The following XPC variants were observed in gnomAD, a reference collection of about 807,000 sequenced individuals.
XPC encodes the protein XPC complex subunit, DNA damage recognition and repair factor.
Under a neutral mutation model 95.8 loss-of-function variants are expected in XPC, and 76 were observed. The observed-to-expected ratio is 0.79, with a 90% CI of 0.66 to 0.96. The LOEUF (loss-of-function observed/expected upper bound fraction) is 0.96, where lower values mean the gene tolerates loss of function less well. Among genes scored for constraint, XPC ranks in the 40% least tolerant of loss-of-function variants. The probability of loss-of-function intolerance (pLI) is 0.00; values close to 1 mark genes in which losing one functional copy is unlikely to be tolerated. For missense variants in XPC, 1,146 were observed against 1,179.8 expected (o/e 0.97, Z 0.42); for synonymous variants, 442 against 442.1 (o/e 1.00, Z 0.00).
intron 1 of XPC, 177 bp downstream of exon 1, chr3:14,178,289 G>A (rs1365651514): frequency 1.0e-5 from 7 of 701,344 alleles, no homozygotes; most frequent in Non-Finnish European, 2.2e-6. Context: ...GGGTGCGCAG[G>A]ACAAAGACGC....
At chr3:14,168,514 C>T (rs1696481307) in intron 3 of XPC, 134 bp from the exon 4 acceptor site, 1 of 1,064,712 alleles carries the variant, frequency 9.4e-7, no homozygotes, top group South Asian at 1.4e-5. Context: ...ACAGAGACCC[C>T]TAGACATGCC....
In XPC at chr3:14,145,988, C is replaced by G. The variant is rs751002148; in HGVS notation, c.2776G>C (p.Glu926Gln). ...AGGTGGGAAGCTGCTGCTTTCTTTT[C>G]CCTTTTGGTCTTCTTGGGCCCACCC... Reference protein sequence around the residue: ...LKGGPKKTKREKKAAASHLFP... With the variant: ...LKGGPKKTKRQKKAAASHLFP... Residue 926 changes from glutamate (E) to glutamine (Q), a missense_variant, in exon 16 of 16, where the codon GAA becomes CAA. Coordinates refer to ENST00000285021, the MANE Select transcript of XPC (RefSeq NM_004628.5). The G allele has an allele frequency of 6.8e-6, 11 of 1,608,832 alleles. No individual in the cohort carries two copies. The highest frequency in any genetic ancestry group is 3.3e-5 in the Admixed American group (2 of 59,794).
intron 1 of XPC, among the ~76,000 whole-genome samples, chr3:14,176,733 T>C (rs954363604): frequency 6.6e-6 from 1 of 152,294 alleles, no homozygotes; most frequent in African/African-American, 2.4e-5. Flanking sequence ...CTTTGCCGGT[T>C]ACCTAGTCTA....
chr3:14,145,805 C>T lies in XPC; in HGVS notation c.*136G>A. The T allele has an allele frequency of 8.9e-7, 1 of 1,119,058 alleles. No individual in the cohort carries two copies. The highest frequency in any genetic ancestry group is 1.3e-5 in the South Asian group (1 of 75,792). 69.3% of individuals were successfully genotyped at this position (1,119,058 alleles called of 1,614,324 possible). A position where few individuals can be genotyped will look rare whatever the true frequency, so the allele number is the denominator to read the frequency against. Reference sequence around the variant, plus strand: ...TTGGCCTCGTCTCCCCTGACCCCGCCTCCGTGCATGCTGCCTCAGTTTGCC... The same window carrying T: ...TTGGCCTCGTCTCCCCTGACCCCGCTTCCGTGCATGCTGCCTCAGTTTGCC... On this transcript the variant is annotated 3_prime_UTR_variant, in exon 16 of 16. Coordinates refer to ENST00000285021, the MANE Select transcript of XPC (RefSeq NM_004628.5).
At chr3:14,163,613 G>A (rs1356808431) in intron 7 of XPC, among the ~76,000 whole-genome samples, 1 of 152,096 alleles carries the variant, frequency 6.6e-6, no homozygotes, top group East Asian at 1.9e-4. Context: ...TAACAATGAG[G>A]AGTTTAATGC....
chr3:14,171,592 C>T (rs1300832457), intron 2 of XPC, among the ~76,000 whole-genome samples: 1 of 152,218 alleles, frequency 6.6e-6, no homozygotes, highest in Non-Finnish European at 1.5e-5. Context: ...CGCCTGTAAG[C>T]CCAGCACTTT....
intron 14 of XPC, chr3:14,147,675 C>T: frequency 1.7e-6 from 1 of 596,172 alleles, no homozygotes; most frequent in Non-Finnish European, 2.9e-6. Context: ...GTGTGGGCAG[C>T]AGGGGCAGTA....
chr3:14,146,010 A>G lies in XPC; in HGVS notation c.2754T>C (p.Gly918=), dbSNP rs1312829705. 1.2e-6 allele frequency: 2 copies of G among 1,608,828 alleles called. No individual in the cohort carries two copies. Among genetic ancestry groups the G allele is most frequent in the Non-Finnish European group, 1.7e-6 (2 of 1,177,512 alleles). Residue 918 remains glycine, a synonymous_variant, in exon 16 of 16, where the codon GGT becomes GGC. Coordinates refer to ENST00000285021, the MANE Select transcript of XPC (RefSeq NM_004628.5). ...REDEEKQKLK[G]GPKKTKREKK... Reference sequence around the variant, plus strand: ...TTTCCCTTTTGGTCTTCTTGGGCCCACCCTTCAGCTTCTGCTTTTCTTCAT... The same window carrying G: ...TTTCCCTTTTGGTCTTCTTGGGCCCGCCCTTCAGCTTCTGCTTTTCTTCAT...
In XPC at chr3:14,159,823, A is replaced by G; in HGVS notation, c.908T>C (p.Leu303Ser). ...GAGCTGCAGAGCCCGGAGAATCAGT[A>G]AGAATATCTATGATGAAAAGGAAGA... The part of the protein sequence containing the change: ...RDDEELVHIF[L>S]LILRALQLLT... Residue 303 changes from leucine (L) to serine (S), a missense_variant, in exon 8 of 16, where the codon TTA becomes TCA. Physicochemically the swap from Leu to Ser is moderately radical, Grantham distance 145. Coordinates refer to ENST00000285021, the MANE Select transcript of XPC (RefSeq NM_004628.5). The G allele has an allele frequency of 1.3e-6, 2 of 1,554,584 alleles. No individual in the cohort carries two copies. The highest frequency in any genetic ancestry group is 1.7e-6 in the Non-Finnish European group (2 of 1,148,532).
Position 14,178,286 on chromosome 3 carries a change from C to T in XPC, c.103+180G>A, listed in dbSNP as rs886794159. On this transcript the variant is annotated intron_variant, in intron 1 of 15. Transcript: ENST00000285021. ...CTCGCGGGAAACCGCTCTGGGTGCG[C>T]AGGACAAAGACGCGGGGACAGCGGG... The T allele has an allele frequency of 3.4e-5, 23 of 677,300 alleles. No homozygotes were observed. In the African/African-American group the frequency reaches 3.9e-4, roughly 11 times the overall value. The allele number at this position is 677,300 out of a possible 1,614,324, so 42.0% of individuals were successfully genotyped here. A position where few individuals can be genotyped will look rare whatever the true frequency, so the allele number is the denominator to read the frequency against.
chr3:14,149,949 T>C (rs1047041291), intron 11 of XPC: 1 of 152,260 alleles, frequency 6.6e-6, no homozygotes, highest in Non-Finnish European at 1.5e-5. Flanking sequence ...TCATCACTGA[T>C]AGCAGTGACT....
chr3:14,165,383 A>T, intron 6 of XPC, 45 bp downstream of exon 6: 1 of 1,529,314 alleles, frequency 6.5e-7, no homozygotes, highest in East Asian at 2.4e-5. Context: ...AGAGAAACAC[A>T]AATCCTACAC....
At chr3:14,165,937 T>C (rs1193276215) in intron 5 of XPC, 1 of 264,672 alleles carries the variant, frequency 3.8e-6, no homozygotes, top group Admixed American at 4.6e-5. Context: ...CTCCACGAGA[T>C]CAGAAGAAAA....
chr3:14,167,069 C>T (rs1408858923), intron 5 of XPC, 100 bp downstream of exon 5: 2 of 1,064,832 alleles, frequency 1.9e-6, no homozygotes, highest in Non-Finnish European at 2.6e-6. Flanking sequence ...AAGAAACTTG[C>T]CATGGCCACA....
At chr3:14,152,745 A>C (rs1387250520) in intron 10 of XPC, 5 of 265,872 alleles carry the variant, frequency 1.9e-5, no homozygotes, top group Non-Finnish European at 2.9e-5. Context: ...GATGGGGTAA[A>C]GGCCGCTGTG....
chr3:14,171,332 A>G (rs1233879658), intron 2 of XPC, among the ~76,000 whole-genome samples: 1 of 152,160 alleles, frequency 6.6e-6, no homozygotes, highest in East Asian at 1.9e-4. Context: ...CTTTTTTTAG[A>G]GTACCACTTT....
chr3:14,166,742 T>A (rs575272220), intron 5 of XPC, among the ~76,000 whole-genome samples: 1 of 152,190 alleles, frequency 6.6e-6, no homozygotes, highest in Admixed American at 6.5e-5. Flanking sequence ...CATCTAGAGA[T>A]CAGATACTCC....
At chr3:14,160,939 G>C (rs1004510464) in intron 7 of XPC, among the ~76,000 whole-genome samples, 19 of 152,158 alleles carry the variant, frequency 1.2e-4, no homozygotes, top group African/African-American at 4.6e-4. Context: ...GATTAGACAA[G>C]ATAATGCAGG....
Position 14,158,902 on chromosome 3 carries a change from A to T in XPC, c.991-10T>A. 6.2e-7 allele frequency: 1 copy of T among 1,613,688 alleles called. No individual in the cohort carries two copies. The highest frequency in any genetic ancestry group is 8.5e-7 in the Non-Finnish European group (1 of 1,179,850). ...TGGAAGGTTTCTTTCCCTTAAACAGAATAAGAAATTTTGCTTTTTTTTCTC... is the reference window on the plus strand; with the variant it reads ...TGGAAGGTTTCTTTCCCTTAAACAGTATAAGAAATTTTGCTTTTTTTTCTC... On this transcript the variant is annotated splice_polypyrimidine_tract_variant and intron_variant, in intron 8 of 15. Coordinates refer to ENST00000285021, the MANE Select transcript of XPC (RefSeq NM_004628.5). The surrounding 1 kb of genome is among the most constrained non-coding windows in gnomAD (Gnocchi z 5.2).
Sources: allele counts gnomAD v4.1 joint callset (sites outside exome capture counted in the v4.1 genomes callset), GRCh38; gene constraint gnomAD v4.1.1; non-coding constraint Gnocchi (gnomAD v3.1); transcripts MANE v1.5; gene names NCBI Gene and HGNC (gene_info 2026-07-23, HGNC 2026-07-21).